DPP6: variants seen among roughly 807,000 people sequenced by gnomAD.
DPP6 encodes A-type potassium channel modulatory protein DPP6.
In DPP6, 69 loss-of-function variants were observed where a neutral mutation model predicts 122.6. The observed-to-expected ratio is 0.56, with a 90% CI of 0.46 to 0.69. The LOEUF (loss-of-function observed/expected upper bound fraction) is 0.69. Ranked by LOEUF, DPP6 falls within the 30% of genes least tolerant of loss-of-function variation. The pLI is 0.00. For missense variants in DPP6, 928 were observed against 1,116.9 expected, an observed-to-expected ratio of 0.83 and a Z score of 2.41; for synonymous variants, 418 against 433.1, an observed-to-expected ratio of 0.97 and a Z score of 0.43.
chr7:153,812,972 G>C, the DPP6 span, among the ~76,000 whole-genome samples: 1 of 152,090 alleles, frequency 6.6e-6, no homozygotes, highest in Non-Finnish European at 1.5e-5. Context: ...GGTCATTGAG[G>C]GTATAAAACG....
chr7:154,450,054 A>AAATAAATG (rs1345561867), intron 2 of DPP6, among the ~76,000 whole-genome samples: 39 of 141,122 alleles, frequency 2.8e-4, no homozygotes, highest in African/African-American at 8.4e-4. Context: ...ATAAATAAAT[A>AAATAAATG]AATGTGATGT....
At chr7:154,519,764 G>T (rs2129946527) in intron 3 of DPP6, among the ~76,000 whole-genome samples, 1 of 152,312 alleles carries the variant, frequency 6.6e-6, no homozygotes, top group Non-Finnish European at 1.5e-5. Context: ...CTTTATCATA[G>T]ATTCTACCTA....
chr7:154,383,578 T>G (rs1287980676), intron 1 of DPP6, among the ~76,000 whole-genome samples: 1 of 152,208 alleles, frequency 6.6e-6, no homozygotes, highest in Non-Finnish European at 1.5e-5. Flanking sequence ...CTCTGATTAA[T>G]GACTCAACAG....
chr7:153,965,210 G>A (rs1257698537), intron 1 of DPP6, among the ~76,000 whole-genome samples: 1 of 152,020 alleles, frequency 6.6e-6, no homozygotes, highest in Non-Finnish European at 1.5e-5. Flanking sequence ...ATAATCGAGA[G>A]CATATGCTTG....
intron 1 of DPP6, among the ~76,000 whole-genome samples, chr7:154,041,017 T>G (rs1345887679): frequency 6.6e-6 from 1 of 152,162 alleles, no homozygotes; most frequent in Non-Finnish European, 1.5e-5. Flanking sequence ...AAAGTGCAGA[T>G]AAACATAAGA....
chr7:154,089,032 C>T (rs1331718817), intron 1 of DPP6, among the ~76,000 whole-genome samples: 1 of 152,048 alleles, frequency 6.6e-6, no homozygotes, highest in East Asian at 1.9e-4. Context: ...AGAGCCAGGA[C>T]CTCATGGAGT....
At chr7:153,752,784 G>A in the DPP6 span, among the ~76,000 whole-genome samples, 3 of 139,394 alleles carry the variant, frequency 2.2e-5, no homozygotes, top group Non-Finnish European at 4.6e-5. Context: ...ATCCAGTCTC[G>A]GCAACACAGT....
intron 1 of DPP6, among the ~76,000 whole-genome samples, chr7:154,327,640 A>G (rs1808565411): frequency 6.6e-6 from 1 of 152,346 alleles, no homozygotes; most frequent in East Asian, 1.9e-4. Flanking sequence ...CAAAGACGGA[A>G]CTAGAATTTA....
intron 16 of DPP6, among the ~76,000 whole-genome samples, chr7:154,840,140 C>T (rs959990093): frequency 1.3e-5 from 2 of 152,190 alleles, no homozygotes; most frequent in Admixed American, 6.5e-5. Flanking sequence ...AGGTAGCGCC[C>T]ACCAAGTGTC....
intron 1 of DPP6, among the ~76,000 whole-genome samples, chr7:154,118,120 CATG>C (rs1316738598): frequency 3.3e-5 from 5 of 149,754 alleles, no homozygotes; most frequent in Non-Finnish European, 5.9e-5. Context: ...AAAAGCTGTG[CATG>C]ATGATAAGGC....
chr7:154,762,761 G>T (rs1795639293), intron 8 of DPP6, among the ~76,000 whole-genome samples: 2 of 152,240 alleles, frequency 1.3e-5, no homozygotes, highest in South Asian at 4.1e-4. Flanking sequence ...AACATTTTAT[G>T]TTCTGCTTTT....
the DPP6 span, among the ~76,000 whole-genome samples, chr7:153,750,007 A>G: frequency 2.6e-5 from 4 of 152,198 alleles, no homozygotes; most frequent in South Asian, 2.1e-4. Flanking sequence ...CTCTTATTGG[A>G]AAAATATTCC....
At chr7:153,961,753 G>C (rs1447028106) in intron 1 of DPP6, among the ~76,000 whole-genome samples, 2 of 133,158 alleles carry the variant, frequency 1.5e-5, no homozygotes, top group African/African-American at 6.1e-5. Flanking sequence ...ATGGGAGACA[G>C]TGACAGATCA....
the DPP6 span, among the ~76,000 whole-genome samples, chr7:153,787,662 T>C: frequency 1.1e-4 from 17 of 149,372 alleles, no homozygotes; most frequent in African/African-American, 4.0e-4. Flanking sequence ...TCTAGCTACT[T>C]GGGAGGCTAA....
At chr7:154,521,837 T>C (rs1827005933) in intron 3 of DPP6, among the ~76,000 whole-genome samples, 2 of 152,202 alleles carry the variant, frequency 1.3e-5, no homozygotes. Flanking sequence ...CCCCAGACAA[T>C]TCTCCACCTT....
intron 1 of DPP6, among the ~76,000 whole-genome samples, chr7:153,982,607 T>A (rs1329628224): frequency 6.6e-6 from 1 of 152,044 alleles, no homozygotes; most frequent in East Asian, 1.9e-4. Flanking sequence ...TGTGATCCTT[T>A]GGAGGAGAAG....
chr7:154,234,412 A>G (rs1801083093), intron 1 of DPP6, among the ~76,000 whole-genome samples: 1 of 152,126 alleles, frequency 6.6e-6, no homozygotes, highest in Non-Finnish European at 1.5e-5. Flanking sequence ...ATCTCTCTCT[A>G]TGGTTAACTT....
chr7:153,823,250 G>GT, the DPP6 span, among the ~76,000 whole-genome samples: 2 of 151,940 alleles, frequency 1.3e-5, no homozygotes, highest in African/African-American at 4.8e-5. Flanking sequence ...TTTGCTCTCT[G>GT]TGAGTCTTGA....
At chr7:153,920,563 CTTTT>C (rs61553100) in intron 1 of DPP6, among the ~76,000 whole-genome samples, 10 of 88,684 alleles carry the variant, frequency 1.1e-4, no homozygotes, top group East Asian at 3.3e-4. Context: ...TTATCTCTCT[CTTTT>C]TTTTTTTTTT....
Sources: gnomAD v4.1 joint callset for allele counts (sites outside exome capture counted in the v4.1 genomes callset) on GRCh38, gnomAD v4.1.1 for gene constraint, MANE v1.5 for transcripts, NCBI Gene and HGNC (gene_info 2026-07-23, HGNC 2026-07-21) for gene names.